Variants in CCDC171 observed in about 807,000 individuals in gnomAD.
CCDC171 encodes coiled-coil domain-containing protein 171.
A neutral mutation model predicts 168.2 loss-of-function variants in CCDC171; 177 were observed. The observed-to-expected ratio is 1.05, with a 90% confidence interval of 0.93 to 1.19. The LOEUF is 1.19. CCDC171 is among the 50% of genes most tolerant of loss of function. The pLI, the probability that CCDC171 is intolerant of heterozygous loss-of-function variation, is 0.00. For missense variants in CCDC171, 1,991 were observed against 1,539.0 expected (o/e 1.29, Z -4.91); for synonymous variants, 687 against 540.8 (o/e 1.27, Z -3.75).
chr9:15,634,617 C>G (rs1196731190), intron 7 of CCDC171, among the ~76,000 whole-genome samples: 1 of 152,118 alleles, frequency 6.6e-6, no homozygotes, highest in Non-Finnish European at 1.5e-5. Context: ...AGTCTAACTT[C>G]TTACAGCGAT....
Position 15,789,919 on chromosome 9 carries a change from A to C in CCDC171, c.3267+5225A>C, listed in dbSNP as rs983141803. Among the ~76,000 whole-genome samples, 7 of 152,030 alleles carry C rather than the reference A, an allele frequency of 4.6e-5. No individual in the cohort carries two copies. The East Asian group carries it at 1.4e-3, about 29-fold the overall frequency. On this transcript the variant is annotated intron_variant, in intron 21 of 25. Transcript: ENST00000380701. ...TTCCAGCTTCATCCATGTCCCTATAAAGGACATGAACTCATCCTTTTTTAT... is the reference window on the plus strand; with the variant it reads ...TTCCAGCTTCATCCATGTCCCTATACAGGACATGAACTCATCCTTTTTTAT...
At chr9:15,906,955 T>A (rs2131743032) in intron 24 of CCDC171, among the ~76,000 whole-genome samples, 1 of 149,312 alleles carries the variant, frequency 6.7e-6, no homozygotes, top group East Asian at 2.0e-4. Context: ...ACCTAGGATG[T>A]GAAGGACCTC....
intron 11 of CCDC171, among the ~76,000 whole-genome samples, chr9:15,711,678 G>C (rs940147554): frequency 4.6e-5 from 7 of 152,224 alleles, no homozygotes; most frequent in African/African-American, 1.7e-4. Flanking sequence ...TTATGCAATT[G>C]TGGGAGGAGC....
At chr9:15,574,956 A>C (rs2040520822) in intron 3 of CCDC171, among the ~76,000 whole-genome samples, 1 of 152,170 alleles carries the variant, frequency 6.6e-6, no homozygotes, top group African/African-American at 2.4e-5. Flanking sequence ...GATGAGACTG[A>C]ATTGCATTGA....
intron 23 of CCDC171, among the ~76,000 whole-genome samples, chr9:15,866,287 A>G (rs530746909): frequency 3.2e-4 from 48 of 152,078 alleles, no homozygotes; most frequent in Non-Finnish European, 6.3e-4. Context: ...GGATATAGTG[A>G]GTAATAAAAG....
chr9:15,704,001 C>T (rs998445960), intron 11 of CCDC171, among the ~76,000 whole-genome samples: 1 of 152,146 alleles, frequency 6.6e-6, no homozygotes, highest in Non-Finnish European at 1.5e-5. Context: ...CAAAATATGA[C>T]ATGGAGACAC....
intron 7 of CCDC171, among the ~76,000 whole-genome samples, chr9:15,637,715 C>T (rs991970678): frequency 1.3e-4 from 19 of 147,972 alleles, no homozygotes; most frequent in Admixed American, 5.6e-4. Flanking sequence ...TGAGAACATG[C>T]GGTGTTTGGT....
chr9:15,672,424 C>G (rs2049186409), intron 9 of CCDC171, among the ~76,000 whole-genome samples: 1 of 152,172 alleles, frequency 6.6e-6, no homozygotes, highest in East Asian at 1.9e-4. Flanking sequence ...GAAGTCTTTG[C>G]TCATGCCTAT....
intron 24 of CCDC171, among the ~76,000 whole-genome samples, chr9:15,905,280 C>G (rs553067388): frequency 2.0e-5 from 3 of 152,180 alleles, no homozygotes; most frequent in African/African-American, 4.8e-5. Flanking sequence ...AAGTAAAGCA[C>G]TCCTCAGCAA....
At chr9:15,875,965 A>G (rs1031928810) in intron 24 of CCDC171, 1 of 152,264 alleles carries the variant, frequency 6.6e-6, no homozygotes, top group Non-Finnish European at 1.5e-5. Context: ...CTATGAATAC[A>G]GTCTGATTTG....
chr9:16,039,662 T>TC (rs1833540476), upstream of CCDC171, among the ~76,000 whole-genome samples: 1 of 152,160 alleles, frequency 6.6e-6, no homozygotes, highest in Non-Finnish European at 1.5e-5. Context: ...CATTCTTACA[T>TC]CTGCGTCCCA....
intron 6 of CCDC171, among the ~76,000 whole-genome samples, chr9:15,613,360 T>C (rs1053305692): frequency 6.6e-6 from 1 of 152,144 alleles, no homozygotes; most frequent in Non-Finnish European, 1.5e-5. Flanking sequence ...TTGATATAAA[T>C]GAGTTAAGTT....
At chr9:15,775,860 C>T (rs2057295725) in intron 18 of CCDC171, among the ~76,000 whole-genome samples, 1 of 151,992 alleles carries the variant, frequency 6.6e-6, no homozygotes, top group African/African-American at 2.4e-5. Flanking sequence ...AAAAAATACC[C>T]ATGTATGCTG....
At position 16,013,106 on chromosome 9, in the gene CCDC171, G is replaced by A. The variant is rs1832915555; in HGVS notation, n.369-7483G>A. Reference sequence around the variant, plus strand: ...ACTCTCTTCCTTCACAAACCTCTTTGCCTCCTTGGACTTCCTACATCTGAT... The same window carrying A: ...ACTCTCTTCCTTCACAAACCTCTTTACCTCCTTGGACTTCCTACATCTGAT... On this transcript the variant is annotated intron_variant and non_coding_transcript_variant, in intron 3 of 9. Transcript: ENST00000486641. 5.3e-5 allele frequency among the ~76,000 whole-genome samples: 8 copies of A among 152,152 alleles called. No individual in the cohort carries two copies. The South Asian group carries it at 1.7e-3, about 32-fold the overall frequency.
At chr9:15,909,485 C>A (rs943767465) in intron 24 of CCDC171, among the ~76,000 whole-genome samples, 4 of 152,098 alleles carry the variant, frequency 2.6e-5, no homozygotes, top group Non-Finnish European at 4.4e-5. Context: ...CTGATATAGT[C>A]CTTCTTACAC....
In CCDC171 at chr9:15,744,288, G is replaced by A. The variant is rs932261629; in HGVS notation, c.2065G>A (p.Ala689Thr). The A allele has an allele frequency of 6.3e-7, 1 of 1,580,136 alleles. No individual in the cohort carries two copies. Among genetic ancestry groups the A allele is most frequent in the South Asian group, 1.2e-5 (1 of 84,916 alleles). Reference sequence around the variant, plus strand: ...TCTTCCATAGAAATTTCAAGAAATTGCTGAAAAAAACATGGAAAAATTGAA... The same window carrying A: ...TCTTCCATAGAAATTTCAAGAAATTACTGAAAAAAACATGGAAAAATTGAA... Reference protein sequence around the residue: ...QKRAQKFQEIAEKNMEKLNHI... With the variant: ...QKRAQKFQEITEKNMEKLNHI... The change falls in exon 17 of 26, where the codon GCT (alanine) becomes ACT (threonine). Residue 689 changes from alanine to threonine, a missense_variant. Coordinates refer to ENST00000380701, the MANE Select transcript of CCDC171 (RefSeq NM_173550.4).
At chr9:16,094,018 A>T in the CCDC171 span, among the ~76,000 whole-genome samples, 1 of 152,154 alleles carries the variant, frequency 6.6e-6, no homozygotes, top group African/African-American at 2.4e-5. Context: ...GGGCCAATGG[A>T]TTCTTTCTCT....
intron 10 of CCDC171, 86 bp downstream of exon 10, chr9:15,678,982 T>C (rs1033466145): frequency 9.8e-7 from 1 of 1,018,900 alleles, no homozygotes; most frequent in Non-Finnish European, 1.4e-6. Flanking sequence ...CCACATTCCA[T>C]GAGATAATAG....
chr9:15,681,473 T>C (rs935484349), intron 10 of CCDC171, among the ~76,000 whole-genome samples: 1 of 152,134 alleles, frequency 6.6e-6, no homozygotes, highest in African/African-American at 2.4e-5. Context: ...TTTAACTTTT[T>C]CTGTTTTATG....
Sources: allele counts gnomAD v4.1 joint callset (sites outside exome capture counted in the v4.1 genomes callset), GRCh38; gene constraint gnomAD v4.1.1; transcripts MANE v1.5; gene names NCBI Gene and HGNC (gene_info 2026-07-23, HGNC 2026-07-21).